The following ADAMTSL3 variants were observed in gnomAD, a reference collection of about 807,000 sequenced individuals.
ADAMTSL3 encodes the protein ADAMTS-like protein 3.
A neutral mutation model predicts 201.7 loss-of-function variants in ADAMTSL3; 128 were observed. The observed-to-expected ratio is 0.63, with a 90% CI of 0.55 to 0.73. The LOEUF is 0.73. ADAMTSL3 is among the 30% of genes least tolerant of loss of function. ADAMTSL3 has a pLI of 0.00. For missense variants in ADAMTSL3, 1,990 were observed against 2,119.6 expected (o/e 0.94, Z 1.20); for synonymous variants, 738 against 748.4 (o/e 0.99, Z 0.23).
chr15:83,939,653 G>T (rs1390710206), intron 17 of ADAMTSL3, among the ~76,000 whole-genome samples: 4 of 143,322 alleles, frequency 2.8e-5, no homozygotes, highest in Non-Finnish European at 6.0e-5. Flanking sequence ...ACAGAGTCTT[G>T]CTCTGTCACC....
intron 21 of ADAMTSL3, among the ~76,000 whole-genome samples, chr15:83,988,291 T>C (rs1719887664): frequency 1.3e-5 from 2 of 152,086 alleles, no homozygotes; most frequent in East Asian, 3.9e-4. Flanking sequence ...AAACAGAAAA[T>C]CCACACCTGC....
At chr15:83,732,870 C>T (rs1332540076) in intron 3 of ADAMTSL3, among the ~76,000 whole-genome samples, 1 of 152,014 alleles carries the variant, frequency 6.6e-6, no homozygotes, top group African/African-American at 2.4e-5. Context: ...TGGTGTCATT[C>T]CGAATGTGAT....
chr15:83,791,493 T>C (rs932079100), intron 4 of ADAMTSL3, among the ~76,000 whole-genome samples: 7 of 152,128 alleles, frequency 4.6e-5, no homozygotes, highest in Non-Finnish European at 7.4e-5. Context: ...GACAATTGTC[T>C]CTTCAATAAA....
chr15:83,716,460 AGCCGAGAGCGTGCCATTG>A lies in ADAMTSL3; in HGVS notation c.189+11953_189+11970del, dbSNP rs1452748765. On this transcript the variant is annotated intron_variant, in intron 3 of 29. Coordinates refer to ENST00000286744, the MANE Select transcript of ADAMTSL3 (RefSeq NM_207517.3). ...ACATGGGAGGCGGAGGTTTGCAGTG[AGCCGAGAGCGTGCCATTG>A]CATTCCAGCCTGGGCAACAAGAGCA... is the stretch of plus-strand genomic sequence containing the variant. Among the ~76,000 whole-genome samples, 4 of 151,060 alleles carry A rather than the reference AGCCGAGAGCGTGCCATTG, an allele frequency of 2.6e-5. No individual in the cohort carries two copies. The South Asian group carries it at 6.3e-4, about 24-fold the overall frequency.
intron 17 of ADAMTSL3, among the ~76,000 whole-genome samples, chr15:83,938,191 AT>A (rs2066494426): frequency 6.8e-6 from 1 of 147,922 alleles, no homozygotes; most frequent in South Asian, 2.1e-4. Flanking sequence ...CCCTTATACT[AT>A]TTGTTAAGAT....
chr15:83,872,516 G>A (rs2065099796), intron 9 of ADAMTSL3, among the ~76,000 whole-genome samples: 1 of 150,890 alleles, frequency 6.6e-6, no homozygotes, highest in African/African-American at 2.4e-5. Flanking sequence ...TCTCTCTCTG[G>A]TCTATTGTTA....
At chr15:83,759,928 A>T (rs542563249) in intron 3 of ADAMTSL3, among the ~76,000 whole-genome samples, 1 of 152,168 alleles carries the variant, frequency 6.6e-6, no homozygotes, top group Non-Finnish European at 1.5e-5. Flanking sequence ...TCCACATTTC[A>T]TTCCTAAAAT....
At chr15:83,691,230 T>C (rs1408481207) in intron 2 of ADAMTSL3, among the ~76,000 whole-genome samples, 1 of 152,252 alleles carries the variant, frequency 6.6e-6, no homozygotes, top group Non-Finnish European at 1.5e-5. Context: ...ACATCAATGG[T>C]ATTACTTTGG....
rs2068540544 is a variant in ADAMTSL3, at chr15:84,037,913, C to T, written c.*107C>T. The T allele has an allele frequency of 7.0e-7, 1 of 1,436,190 alleles. No homozygotes were observed. Among genetic ancestry groups the T allele is most frequent in the Non-Finnish European group, 9.2e-7 (1 of 1,089,676 alleles). 89.0% of individuals were successfully genotyped at this position (1,436,190 alleles called of 1,614,324 possible). ...CATGTATTTCTTAAAAGACTAGATT[C>T]TATGGATCAAACAGAGGTTGATGCA... is the stretch of plus-strand genomic sequence containing the variant. On this transcript the variant is annotated 3_prime_UTR_variant, in exon 30 of 30. Transcript: ENST00000286744.
At chr15:83,857,087 C>A (rs2064751609) in intron 7 of ADAMTSL3, among the ~76,000 whole-genome samples, 1 of 152,078 alleles carries the variant, frequency 6.6e-6, no homozygotes, top group East Asian at 1.9e-4. Context: ...TGATACTGAG[C>A]ATTTTCATGT....
rs1173370387 is a variant in ADAMTSL3 at position 83,815,406 on chromosome 15, AT to A, written c.364-4396del. ...TCATTGAATGACAGTGGTGGATTAT[AT>A]TTTTTTTTGTGTGTTCTCCCTAGCA... is the stretch of plus-strand genomic sequence containing the variant. On this transcript the variant is annotated intron_variant, in intron 5 of 29. Transcript: ENST00000286744. Among the ~76,000 whole-genome samples, 5 of 151,936 alleles carry A rather than the reference AT, an allele frequency of 3.3e-5. No individual in the cohort carries two copies. The South Asian group carries it at 6.2e-4, about 19-fold the overall frequency.
At chr15:84,003,509 C>T (rs1050217149) in intron 23 of ADAMTSL3, among the ~76,000 whole-genome samples, 1 of 152,116 alleles carries the variant, frequency 6.6e-6, no homozygotes, top group African/African-American at 2.4e-5. Context: ...AGTGGTGCCT[C>T]CTGGCTGGCC....
Position 83,838,274 on chromosome 15 carries a change from T to TATTTTAGATATATTATA in ADAMTSL3, c.727+59_727+60insATTTTAGATATATTATA, listed in dbSNP as rs1299127151. On this transcript the variant is annotated intron_variant, in intron 7 of 29. Transcript: ENST00000286744. ...TACAAGATATATTTTAGACTGTCTA[T>TATTTTAGATATATTATA]TGCTAGAATAACATTTTCTGAATGT... 2.6e-6 allele frequency: 4 copies of TATTTTAGATATATTATA among 1,538,788 alleles called. No individual in the cohort carries two copies. In the African/African-American group the frequency reaches 5.6e-5, roughly 22 times the overall value.
intron 2 of ADAMTSL3, among the ~76,000 whole-genome samples, chr15:83,692,634 T>A (rs1329114899): frequency 7.3e-6 from 1 of 136,594 alleles, no homozygotes; most frequent in Non-Finnish European, 1.5e-5. Flanking sequence ...TGCAGTGAGC[T>A]GAGATCGCGC....
At chr15:83,778,016 A>G (rs1267298096) in intron 4 of ADAMTSL3, among the ~76,000 whole-genome samples, 1 of 152,200 alleles carries the variant, frequency 6.6e-6, no homozygotes, top group Non-Finnish European at 1.5e-5. Flanking sequence ...GGAGGAAAGA[A>G]TCTAAGAGCT....
chr15:83,892,827 A>C lies in ADAMTSL3; in HGVS notation c.1406A>C (p.Lys469Thr). 1 of 1,614,102 alleles carries C rather than the reference A, an allele frequency of 6.2e-7. No homozygotes were observed. The highest frequency in any genetic ancestry group is 1.3e-5 in the African/African-American group (1 of 75,036). Reference protein sequence around the residue: ...EWKCMYAPKPKVMQTCNLFDC... With the variant: ...EWKCMYAPKPTVMQTCNLFDC... The stretch of plus-strand genomic sequence containing the variant: ...AAGTGCATGTACGCACCCAAACCCA[A>C]GGTTATGCAAACTTGTAATCTGTTT... Residue 469 changes from lysine to threonine, a missense_variant, in exon 13 of 30, where the codon AAG (lysine) becomes ACG (threonine). By Grantham distance (78) the Lys-to-Thr change is moderately conservative. Coordinates refer to ENST00000286744, the MANE Select transcript of ADAMTSL3 (RefSeq NM_207517.3).
intron 3 of ADAMTSL3, among the ~76,000 whole-genome samples, chr15:83,750,899 C>T (rs1464640312): frequency 6.6e-6 from 1 of 152,164 alleles, no homozygotes; most frequent in East Asian, 1.9e-4. Context: ...CATGACTTTT[C>T]CTTCATTTAT....
chr15:83,768,704 C>G (rs1176877060), intron 3 of ADAMTSL3, among the ~76,000 whole-genome samples: 1 of 152,140 alleles, frequency 6.6e-6, no homozygotes, highest in Non-Finnish European at 1.5e-5. Flanking sequence ...GCAAGGAAGA[C>G]GACGCAAACA....
chr15:83,836,961 A>G (rs952589737), intron 6 of ADAMTSL3, among the ~76,000 whole-genome samples: 12 of 152,188 alleles, frequency 7.9e-5, no homozygotes, highest in African/African-American at 2.9e-4. Context: ...AGATCAGTTG[A>G]TATTATTGTT....
Sources: allele counts gnomAD v4.1 joint callset (sites outside exome capture counted in the v4.1 genomes callset), GRCh38; gene constraint gnomAD v4.1.1; transcripts MANE v1.5; gene names NCBI Gene and HGNC (gene_info 2026-07-23, HGNC 2026-07-21).